Variants in CSMD3 observed in about 807,000 individuals in gnomAD.
The protein encoded by CSMD3 is CUB and Sushi multiple domains 3, also known as CUB and sushi domain-containing protein 3.
In CSMD3, 177 loss-of-function variants were observed where a neutral mutation model predicts 435.2. The ratio of observed to expected loss-of-function variants is 0.41; its 90% CI spans 0.36 to 0.46. CSMD3 has a LOEUF of 0.46. Among genes scored for constraint, CSMD3 ranks in the 20% least tolerant of loss-of-function variants. The pLI is 0.34. For synonymous variants in CSMD3, 1,656 were observed against 1,520.5 expected, an observed-to-expected ratio of 1.09 and a Z score of -2.07; for missense variants, 4,265 against 4,504.6, an observed-to-expected ratio of 0.95 and a Z score of 1.52.
At chr8:112,646,129 C>T (rs1190878948) in intron 19 of CSMD3, among the ~76,000 whole-genome samples, 2 of 152,092 alleles carry the variant, frequency 1.3e-5, no homozygotes, top group Non-Finnish European at 2.9e-5. Flanking sequence ...ATACCTAACA[C>T]TATAACATGA....
In CSMD3 at chr8:112,729,941, G is replaced by T. The variant is rs143029192; in HGVS notation, c.1973-39891C>A. On this transcript the variant is annotated intron_variant, in intron 13 of 70. Transcript: ENST00000297405. ...TCTTTTGTTTTCAGCCAACAAGTTT[G>T]TGGTAAATACTAAGAAACTAGTGTA... Among the ~76,000 whole-genome samples, 22 of 152,206 alleles carry T rather than the reference G, an allele frequency of 1.4e-4. No individual in the cohort carries two copies. In the East Asian group the frequency reaches 4.3e-3, roughly 29 times the overall value.
At chr8:112,353,376 C>A (rs192925500) in intron 38 of CSMD3, among the ~76,000 whole-genome samples, 62 of 151,824 alleles carry the variant, frequency 4.1e-4, no homozygotes, top group African/African-American at 1.3e-3. Context: ...GGTGACAGAG[C>A]GAGACTTCAT....
rs1824556420 is a variant in CSMD3, at chr8:112,523,735, G to C, written c.4565-6510C>G. Among the ~76,000 whole-genome samples, 5 of 151,998 alleles carry C rather than the reference G, an allele frequency of 3.3e-5. No individual in the cohort carries two copies. In the South Asian group the frequency reaches 1.0e-3, roughly 31 times the overall value. On this transcript the variant is annotated intron_variant, in intron 27 of 70. Transcript: ENST00000297405. ...GAATTTTGCCCTTGATTGAGCCCTT[G>C]CTTTGTACATGATCCATCAATTTTA...
At chr8:113,272,219 G>C (rs566342588) in intron 3 of CSMD3, among the ~76,000 whole-genome samples, 1 of 152,226 alleles carries the variant, frequency 6.6e-6, no homozygotes, top group Non-Finnish European at 1.5e-5. Flanking sequence ...GACTTTGGGG[G>C]ATGCTTGGGA....
chr8:113,327,663 A>C (rs1396167519), intron 1 of CSMD3, among the ~76,000 whole-genome samples: 1 of 151,978 alleles, frequency 6.6e-6, no homozygotes, highest in Non-Finnish European at 1.5e-5. Flanking sequence ...TCGCTATTTA[A>C]CCTATCTTGC....
At chr8:112,296,100 G>T in intron 53 of CSMD3, 94 bp from the exon 54 acceptor site, 1 of 983,964 alleles carries the variant, frequency 1.0e-6, no homozygotes, top group Non-Finnish European at 1.6e-6. Flanking sequence ...CTTTAAAGTT[G>T]TCTTAAAAGC....
At chr8:112,243,867 G>A (rs991976906) in intron 65 of CSMD3, among the ~76,000 whole-genome samples, 5 of 151,998 alleles carry the variant, frequency 3.3e-5, no homozygotes, top group African/African-American at 1.2e-4. Context: ...AAGAGGAGAG[G>A]CCACACAAAG....
chr8:113,093,547 A>C (rs960215927), intron 5 of CSMD3, among the ~76,000 whole-genome samples: 3 of 152,220 alleles, frequency 2.0e-5, no homozygotes, highest in Admixed American at 6.5e-5. Flanking sequence ...AGTTCCAGAG[A>C]AATGATGGGT....
chr8:113,416,033 A>G (rs187761366), intron 1 of CSMD3, among the ~76,000 whole-genome samples: 21 of 152,258 alleles, frequency 1.4e-4, no homozygotes, highest in African/African-American at 4.8e-4. Context: ...TTAAAAATTA[A>G]AATGTAAATC....
intron 5 of CSMD3, among the ~76,000 whole-genome samples, chr8:113,089,600 C>A (rs28407790): frequency 0.011 from 1,700 of 151,720 alleles, 40 homozygotes; most frequent in African/African-American, 0.039. Flanking sequence ...TTTTAAATAC[C>A]CATTATTTTG....
chr8:112,501,594 C>T (rs1007185261), intron 30 of CSMD3, among the ~76,000 whole-genome samples: 12 of 152,252 alleles, frequency 7.9e-5, no homozygotes, highest in African/African-American at 2.9e-4. Context: ...TTTGAGTTTA[C>T]ATTGGTACAG....
At chr8:112,902,147 C>T (rs953950626) in intron 10 of CSMD3, among the ~76,000 whole-genome samples, 3 of 151,204 alleles carry the variant, frequency 2.0e-5, no homozygotes, top group Non-Finnish European at 3.0e-5. Flanking sequence ...ACCCACTGGG[C>T]TTCTGGCAAA....
intron 30 of CSMD3, among the ~76,000 whole-genome samples, chr8:112,493,036 G>A (rs185536966): frequency 6.6e-6 from 1 of 152,170 alleles, no homozygotes; most frequent in African/African-American, 2.4e-5. Flanking sequence ...GTTTTTTATG[G>A]ACCTTTAAGA....
At chr8:112,354,881 C>T (rs1295499736) in intron 38 of CSMD3, among the ~76,000 whole-genome samples, 1 of 152,020 alleles carries the variant, frequency 6.6e-6, no homozygotes, top group Admixed American at 6.5e-5. Context: ...GAAGTAAAGC[C>T]CAAATAGCCA....
In CSMD3 at chr8:112,697,655, T is replaced by C. The variant is rs186130646; in HGVS notation, c.1973-7605A>G. On this transcript the variant is annotated intron_variant, in intron 13 of 70. Coordinates refer to ENST00000297405, the MANE Select transcript of CSMD3 (RefSeq NM_198123.2). The stretch of plus-strand genomic sequence containing the variant: ...CTAATGCAAATGACAAGTTAATGGG[T>C]GCAGCACACCAACATGACGCATGTA... Among the ~76,000 whole-genome samples the C allele has an allele frequency of 3.1e-3, 473 of 151,872 alleles. 1 individual carries two copies. The highest frequency in any genetic ancestry group is 1.0e-2 in the African/African-American group (412 of 41,366).
chr8:113,024,830 G>A (rs1006212027), intron 5 of CSMD3, among the ~76,000 whole-genome samples: 4 of 152,072 alleles, frequency 2.6e-5, no homozygotes, highest in Admixed American at 2.6e-4. Context: ...CATCACTGGA[G>A]TAATGTACAT....
intron 45 of CSMD3, among the ~76,000 whole-genome samples, chr8:112,324,801 C>A (rs375670462): frequency 6.6e-6 from 1 of 152,082 alleles, no homozygotes; most frequent in Non-Finnish European, 1.5e-5. Context: ...ATCACTCTGG[C>A]TGTAGTCAGA....
chr8:112,556,601 AT>A (rs1828140548), intron 25 of CSMD3, among the ~76,000 whole-genome samples, 161 bp downstream of exon 25: 1 of 151,958 alleles, frequency 6.6e-6, no homozygotes, highest in South Asian at 2.1e-4. Flanking sequence ...GGACCTTTTC[AT>A]TTTCCATTAA....
At chr8:113,144,984 G>A (rs1228502156) in intron 4 of CSMD3, among the ~76,000 whole-genome samples, 15 of 151,570 alleles carry the variant, frequency 9.9e-5, no homozygotes, top group Non-Finnish European at 2.2e-4. Context: ...TCTATCAAAT[G>A]CTGTAATATT....
Sources: gnomAD v4.1 joint callset for allele counts (sites outside exome capture counted in the v4.1 genomes callset) on GRCh38, gnomAD v4.1.1 for gene constraint, MANE v1.5 for transcripts, NCBI Gene and HGNC (gene_info 2026-07-23, HGNC 2026-07-21) for gene names.